Variants in KIAA1958 observed in about 807,000 individuals in gnomAD.
The protein encoded by KIAA1958 is KIAA1958, also known as uncharacterized protein KIAA1958.
KIAA1958 carries 14 observed loss-of-function variants against 47.2 expected under a neutral mutation model. That is an observed-to-expected ratio of 0.30 (90% CI 0.20 to 0.46). The LOEUF (loss-of-function observed/expected upper bound fraction) is 0.46, where lower values mean the gene tolerates loss of function less well. KIAA1958 is among the 20% of genes least tolerant of loss of function. The pLI is 1.00. For missense variants in KIAA1958, 803 were observed against 909.2 expected (o/e 0.88, Z 1.50); for synonymous variants, 354 against 353.3 (o/e 1.00, Z -0.02).
Position 112,555,618 on chromosome 9 carries a change from C to T in KIAA1958, c.-24-18439C>T, listed in dbSNP as rs564725125. On this transcript the variant is annotated intron_variant, in intron 1 of 3. Transcript: ENST00000337530. ...TGGATGGCATCTTCTCGTCTTCTCA[C>T]AGTATGCTCACAGTATGCTCGCATG... is the stretch of plus-strand genomic sequence containing the variant. Among the ~76,000 whole-genome samples the T allele has an allele frequency of 2.2e-4, 33 of 152,326 alleles. 1 individual carries two copies. The South Asian group carries it at 6.0e-3, about 28-fold the overall frequency.
At chr9:112,625,324 A>T (rs942799512) in intron 2 of KIAA1958, among the ~76,000 whole-genome samples, 3 of 151,956 alleles carry the variant, frequency 2.0e-5, no homozygotes, top group Non-Finnish European at 2.9e-5. Context: ...ACTAATTTTT[A>T]AAAATTTTTT....
chr9:112,627,010 G>C (rs185113984), intron 2 of KIAA1958, among the ~76,000 whole-genome samples: 6 of 152,116 alleles, frequency 3.9e-5, no homozygotes, highest in African/African-American at 9.7e-5. Context: ...GTGTTAAAAG[G>C]CTGTGCCAGT....
At chr9:112,612,313 T>A (rs557836768) in intron 2 of KIAA1958, among the ~76,000 whole-genome samples, 58 of 151,856 alleles carry the variant, frequency 3.8e-4, no homozygotes, top group African/African-American at 1.4e-3. Context: ...CCCAGCTACG[T>A]TGGAGGATTG....
chr9:112,562,300 A>G (rs759509853), intron 1 of KIAA1958, among the ~76,000 whole-genome samples: 1 of 152,164 alleles, frequency 6.6e-6, no homozygotes, highest in Non-Finnish European at 1.5e-5. Context: ...TATTCTTATC[A>G]TTTTACAGAT....
intron 1 of KIAA1958, among the ~76,000 whole-genome samples, chr9:112,500,391 G>A (rs1049033090): frequency 2.0e-5 from 3 of 152,110 alleles, no homozygotes; most frequent in African/African-American, 4.8e-5. Flanking sequence ...AAAACACCAC[G>A]CCTGGCTTTA....
chr9:112,626,186 T>C (rs1836606294), intron 2 of KIAA1958, among the ~76,000 whole-genome samples: 1 of 152,222 alleles, frequency 6.6e-6, no homozygotes, highest in Non-Finnish European at 1.5e-5. Context: ...CTACAGTAAG[T>C]AGATGTAGAA....
At chr9:112,547,825 G>C (rs977565404) in intron 1 of KIAA1958, among the ~76,000 whole-genome samples, 2 of 152,022 alleles carry the variant, frequency 1.3e-5, no homozygotes, top group African/African-American at 4.8e-5. Flanking sequence ...GTCTGATTAA[G>C]AAACATTTAC....
chr9:112,569,181 T>C (rs541498826), intron 1 of KIAA1958, among the ~76,000 whole-genome samples: 2 of 152,178 alleles, frequency 1.3e-5, no homozygotes, highest in South Asian at 4.1e-4. Context: ...AATTCTTGTA[T>C]GATTCCATAT....
At chr9:112,651,597 T>C (rs1338068565) in intron 3 of KIAA1958, among the ~76,000 whole-genome samples, 1 of 152,068 alleles carries the variant, frequency 6.6e-6, no homozygotes, top group Admixed American at 6.5e-5. Context: ...GGTTTCGCCA[T>C]GTTGGCCAGG....
rs544306501 is a variant in KIAA1958 at position 112,533,456 on chromosome 9, C to G, written c.-24-40601C>G. 1.4e-4 allele frequency among the ~76,000 whole-genome samples: 21 copies of G among 149,724 alleles called. No homozygotes were observed. The East Asian group carries it at 4.1e-3, about 29-fold the overall frequency. ...AAATAGCCAGGCGTGGTGGTGGGTG[C>G]TGTAGTCCCAGCTACTCAGGAGGCG... is the stretch of plus-strand genomic sequence containing the variant. On this transcript the variant is annotated intron_variant, in intron 1 of 3. Transcript: ENST00000337530.
intron 2 of KIAA1958, among the ~76,000 whole-genome samples, chr9:112,630,668 T>C (rs1262129584): frequency 6.6e-6 from 1 of 152,222 alleles, no homozygotes; most frequent in Non-Finnish European, 1.5e-5. Context: ...ATTAAGTTGG[T>C]TAACTTCAGA....
At chr9:112,653,830 G>A (rs1837102742) in intron 3 of KIAA1958, among the ~76,000 whole-genome samples, 1 of 152,128 alleles carries the variant, frequency 6.6e-6, no homozygotes, top group African/African-American at 2.4e-5. Flanking sequence ...AACCCGGGAG[G>A]TGGATGCTGC....
chr9:112,520,307 A>G lies in KIAA1958; in HGVS notation c.-25+33189A>G, dbSNP rs539900036. Among the ~76,000 whole-genome samples the G allele has an allele frequency of 5.3e-5, 8 of 152,112 alleles. 1 individual carries two copies. The South Asian group carries it at 1.4e-3, about 28-fold the overall frequency. ...TTGTAGATAAGACAATGAATGTGGT[A>G]TAGTCTCAAATAACTAGAGGCCAAA... On this transcript the variant is annotated intron_variant, in intron 1 of 3. Transcript: ENST00000337530.
intron 3 of KIAA1958, among the ~76,000 whole-genome samples, chr9:112,650,402 T>A (rs1221437778): frequency 1.3e-5 from 2 of 152,084 alleles, no homozygotes; most frequent in African/African-American, 4.8e-5. Context: ...GAGGAAAAAA[T>A]GCATACAGCA....
intron 1 of KIAA1958, among the ~76,000 whole-genome samples, chr9:112,523,701 A>G (rs765595420): frequency 3.9e-5 from 6 of 152,226 alleles, no homozygotes; most frequent in Non-Finnish European, 7.3e-5. Context: ...TACCACATGT[A>G]TCAAATATGC....
At chr9:112,643,180 TTA>T (rs1158834881) in intron 2 of KIAA1958, among the ~76,000 whole-genome samples, 4 of 152,204 alleles carry the variant, frequency 2.6e-5, no homozygotes. Flanking sequence ...AATTTTATCC[TTA>T]TAGTACCTGA....
intron 1 of KIAA1958, among the ~76,000 whole-genome samples, chr9:112,528,931 A>G (rs1834706303): frequency 6.6e-6 from 1 of 152,172 alleles, no homozygotes; most frequent in Non-Finnish European, 1.5e-5. Context: ...TAATTTCTTG[A>G]CCAGTATTAG....
chr9:112,652,123 C>G (rs537827688), intron 3 of KIAA1958, among the ~76,000 whole-genome samples: 17 of 152,254 alleles, frequency 1.1e-4, no homozygotes, highest in Admixed American at 3.3e-4. Context: ...GCCTTGGCCT[C>G]GCAAAGTGCT....
intron 2 of KIAA1958, among the ~76,000 whole-genome samples, chr9:112,582,859 T>C (rs959269679): frequency 2.0e-5 from 3 of 152,140 alleles, no homozygotes; most frequent in Admixed American, 6.5e-5. Context: ...GACATGGACA[T>C]GGCTGTCACT....
Sources: allele counts gnomAD v4.1 joint callset (sites outside exome capture counted in the v4.1 genomes callset), GRCh38; gene constraint gnomAD v4.1.1; transcripts MANE v1.5; gene names NCBI Gene and HGNC (gene_info 2026-07-23, HGNC 2026-07-21).